Variants in CHID1 observed in about 807,000 individuals in gnomAD.
CHID1 encodes the protein chitinase domain-containing protein 1.
A neutral mutation model predicts 55.4 loss-of-function variants in CHID1; 44 were observed. The ratio of observed to expected loss-of-function variants is 0.79; its 90% CI spans 0.62 to 1.02. The LOEUF (loss-of-function observed/expected upper bound fraction) is 1.02. CHID1 is among the 50% of genes least tolerant of loss of function. The probability of loss-of-function intolerance (pLI) is 0.00; values close to 1 mark genes in which losing one functional copy is unlikely to be tolerated. For synonymous variants in CHID1, 216 were observed against 212.9 expected (o/e 1.01, Z -0.13); for missense variants, 491 against 515.3 (o/e 0.95, Z 0.46).
chr11:913,150 C>CA (rs1363863319), upstream of CHID1, among the ~76,000 whole-genome samples: 1 of 150,512 alleles, frequency 6.6e-6, no homozygotes, highest in African/African-American at 2.5e-5. Flanking sequence ...TGCCCCCCCC[C>CA]GCAAAAAAAA....
rs1347196503 is a variant in CHID1 at position 869,786 on chromosome 11, G to A, written c.*72C>T. 4 of 1,366,368 alleles carry A rather than the reference G, an allele frequency of 2.9e-6. No homozygotes were observed. The African/African-American group carries it at 5.7e-5, about 19-fold the overall frequency. 84.6% of individuals were successfully genotyped at this position (1,366,368 alleles called of 1,614,324 possible). ...GTCACAGCAAACGGAGTGGAGGCCT[G>A]TATTTCACACCTGCTCACTCACTCC... On this transcript the variant is annotated 3_prime_UTR_variant, in exon 13 of 13. Coordinates refer to ENST00000323578, the MANE Select transcript of CHID1 (RefSeq NM_023947.4).
At chr11:870,521 T>C (rs764573586) in intron 10 of CHID1, 22 bp from the exon 11 acceptor site, 1 of 1,571,506 alleles carries the variant, frequency 6.4e-7, no homozygotes, top group Non-Finnish European at 8.7e-7. Flanking sequence ...AGGATATGGA[T>C]TTGGGAGCCC....
At chr11:884,234 G>T in intron 8 of CHID1, 65 bp from the exon 9 acceptor site, 1 of 1,331,610 alleles carries the variant, frequency 7.5e-7, no homozygotes. Flanking sequence ...CCCCAGCTGC[G>T]GTTCGAGCAA....
chr11:910,857 G>A (rs578104477), upstream of CHID1: 585 of 1,083,128 alleles, frequency 5.4e-4, 4 homozygotes, highest in South Asian at 5.9e-3. Context: ...CCAGGCGCCC[G>A]CGCGCCGCCG....
Position 882,860 on chromosome 11 carries a change from T to C in CHID1, c.959+288A>G, listed in dbSNP as rs542411355. On this transcript the variant is annotated intron_variant, in intron 10 of 12. Transcript: ENST00000323578. ...CCAGGAGGCCCCGGCCCGGCCTGTA[T>C]GCTGTGGGGCAAGGCTGACGGGTGG... 2.1e-4 allele frequency: 76 copies of C among 365,248 alleles called. 1 individual carries two copies. In the East Asian group the frequency reaches 3.4e-3, roughly 16 times the overall value. The allele number at this position is 365,248 out of a possible 1,614,324, so 22.6% of individuals were successfully genotyped here.
At chr11:906,709 C>T (rs769334185) in intron 1 of CHID1, among the ~76,000 whole-genome samples, 8 of 152,056 alleles carry the variant, frequency 5.3e-5, no homozygotes, top group Non-Finnish European at 1.0e-4. Flanking sequence ...AACGACATGC[C>T]CTTCACGTGG....
chr11:911,674 G>T (rs117567599), upstream of CHID1, among the ~76,000 whole-genome samples: 747 of 152,246 alleles, frequency 4.9e-3, 7 homozygotes, highest in Non-Finnish European at 7.9e-3. Context: ...TTCTAGTCAC[G>T]TTTCCTTCTT....
chr11:905,303 C>T (rs1307053415), intron 1 of CHID1, among the ~76,000 whole-genome samples: 1 of 152,232 alleles, frequency 6.6e-6, no homozygotes, highest in Non-Finnish European at 1.5e-5. Context: ...CTTTGGGAGA[C>T]CGAGGTGGGA....
At chr11:870,855 A>G in intron 10 of CHID1, 1 of 227,354 alleles carries the variant, frequency 4.4e-6, no homozygotes, top group Non-Finnish European at 8.8e-6. Context: ...TCCAGACCCC[A>G]GGTGAGAGGC....
chr11:894,963 T>C (rs1001086736), intron 7 of CHID1, among the ~76,000 whole-genome samples: 7 of 152,192 alleles, frequency 4.6e-5, no homozygotes, highest in Non-Finnish European at 8.8e-5. Context: ...CCGGCTGCAA[T>C]GCAGGTACAG....
intron 10 of CHID1, among the ~76,000 whole-genome samples, chr11:877,394 C>T (rs570974049): frequency 6.6e-6 from 1 of 152,356 alleles, no homozygotes; most frequent in African/African-American, 2.4e-5. Context: ...CAGGTGTGCA[C>T]CACCATACCG....
At chr11:896,825 C>CTG (rs1404235024) in intron 7 of CHID1, among the ~76,000 whole-genome samples, 2 of 147,002 alleles carry the variant, frequency 1.4e-5, no homozygotes, top group African/African-American at 2.5e-5. Context: ...CTCAGGGCCC[C>CTG]CAGCCTCCAC....
chr11:902,025 AGT>A, intron 4 of CHID1, 171 bp downstream of exon 4: 1 of 617,696 alleles, frequency 1.6e-6, no homozygotes, highest in East Asian at 3.0e-5. Context: ...CCACATCATC[AGT>A]CTCACACTTA....
chr11:912,226 G>A (rs1852736146), upstream of CHID1, among the ~76,000 whole-genome samples: 1 of 152,192 alleles, frequency 6.6e-6, no homozygotes, highest in African/African-American at 2.4e-5. Context: ...GCTGGGGCAG[G>A]AGAATTACTT....
At chr11:876,503 C>T (rs991064734) in intron 10 of CHID1, among the ~76,000 whole-genome samples, 5 of 152,166 alleles carry the variant, frequency 3.3e-5, no homozygotes, top group Non-Finnish European at 7.4e-5. Context: ...GCCGTCCACT[C>T]GTAGACGGGA....
chr11:907,300 T>G (rs1852307325), intron 1 of CHID1, among the ~76,000 whole-genome samples: 1 of 152,006 alleles, frequency 6.6e-6, no homozygotes, highest in Non-Finnish European at 1.5e-5. Context: ...GCTAACACGG[T>G]GAAACCCCAT....
rs1851843561 is a variant in CHID1 at position 901,991 on chromosome 11, AAC to A, written c.394+205_394+206del. On this transcript the variant is annotated intron_variant, in intron 4 of 12. Transcript: ENST00000323578. ...CATGTCCACACCGACAGTCACATTC[AAC>A]ACACTCACAATCTCTTCTCTCCCAC... Among the ~76,000 whole-genome samples the A allele has an allele frequency of 3.3e-5, 5 of 152,094 alleles. No homozygotes were observed. In the South Asian group the frequency reaches 1.0e-3, roughly 32 times the overall value.
At chr11:882,985 T>A in intron 10 of CHID1, 163 bp downstream of exon 10, 1 of 711,828 alleles carries the variant, frequency 1.4e-6, no homozygotes, top group Non-Finnish European at 2.3e-6. Flanking sequence ...TGCGGTGGGG[T>A]GGGCACCAAG....
chr11:883,919 T>C (rs1035669695), intron 9 of CHID1, 149 bp downstream of exon 9: 1 of 659,010 alleles, frequency 1.5e-6, no homozygotes, highest in East Asian at 2.8e-5. Flanking sequence ...CTGGCTTCCC[T>C]CAGGTGGGTG....
Sources: gnomAD v4.1 joint callset for allele counts (sites outside exome capture counted in the v4.1 genomes callset) on GRCh38, gnomAD v4.1.1 for gene constraint, MANE v1.5 for transcripts, NCBI Gene and HGNC (gene_info 2026-07-23, HGNC 2026-07-21) for gene names.